Variants in UMAD1 observed in about 807,000 individuals in gnomAD.
The protein encoded by UMAD1 is UBAP1-MVB12-associated (UMA)-domain containing protein 1.
A neutral mutation model predicts 6.1 loss-of-function variants in UMAD1; 8 were observed. That is an observed-to-expected ratio of 1.30 (90% CI 0.76 to 2.35). UMAD1 has a LOEUF of 2.35. UMAD1 is among the 30% of genes most tolerant of loss of function. The pLI is 0.00. For synonymous variants in UMAD1, 56 were observed against 31.4 expected (o/e 1.78, Z -2.61); for missense variants, 130 against 78.4 (o/e 1.66, Z -2.49).
rs374866603 is a variant in UMAD1 at position 7,827,137 on chromosome 7, A to ATGTGTGTGTGTG, written c.156+25395_156+25396insGTGTGTGTGTGT. Among the ~76,000 whole-genome samples the ATGTGTGTGTGTG allele has an allele frequency of 4.4e-3, 564 of 129,566 alleles. 3 individuals carry two copies. The highest frequency in any genetic ancestry group is 8.8e-3 in the African/African-American group (294 of 33,582). The allele number at this position is 129,566 out of a possible 152,430, so 85.0% of individuals were successfully genotyped here. A position where few individuals can be genotyped will look rare whatever the true frequency, so the allele number is the denominator to read the frequency against. On this transcript the variant is annotated intron_variant, in intron 3 of 3. Transcript: ENST00000682710. ...CACAGTCCAGGATATATATATATAT[A>ATGTGTGTGTGTG]TATATATATATGTGTGTGTGTGTGT...
chr7:7,744,590 A>G (rs1389784781), intron 2 of UMAD1, among the ~76,000 whole-genome samples: 1 of 141,702 alleles, frequency 7.1e-6, no homozygotes, highest in South Asian at 2.2e-4. Flanking sequence ...ACTAATTGTT[A>G]CTGTTTTTTT....
intron 2 of UMAD1, among the ~76,000 whole-genome samples, chr7:7,783,063 A>T (rs963662995): frequency 1.3e-5 from 2 of 152,084 alleles, no homozygotes; most frequent in African/African-American, 4.8e-5. Context: ...GGACCTACAT[A>T]CTCACTGGCA....
At chr7:7,831,229 CCTTAT>C (rs755304515) in intron 3 of UMAD1, among the ~76,000 whole-genome samples, 3 of 152,106 alleles carry the variant, frequency 2.0e-5, no homozygotes, top group Non-Finnish European at 4.4e-5. Context: ...TTCAGCATGT[CCTTAT>C]CTTAAAAGTT....
chr7:7,686,240 C>T (rs1334773438), intron 2 of UMAD1, among the ~76,000 whole-genome samples: 2 of 152,102 alleles, frequency 1.3e-5, no homozygotes, highest in African/African-American at 4.8e-5. Context: ...GATACATAGG[C>T]AGGGCCAGTA....
chr7:7,730,733 A>C (rs1031275843), intron 2 of UMAD1, among the ~76,000 whole-genome samples: 13 of 152,184 alleles, frequency 8.5e-5, no homozygotes, highest in African/African-American at 2.4e-4. Context: ...GGGAAAAAAA[A>C]CCCTCAAAAT....
intron 1 of UMAD1, among the ~76,000 whole-genome samples, chr7:7,671,762 C>T (rs1779610427): frequency 6.6e-6 from 1 of 151,970 alleles, no homozygotes; most frequent in Non-Finnish European, 1.5e-5. Context: ...TCATTAGAGG[C>T]CATCTCTCCT....
At chr7:7,655,895 G>A (rs1262052829) in intron 1 of UMAD1, among the ~76,000 whole-genome samples, 2 of 152,116 alleles carry the variant, frequency 1.3e-5, no homozygotes, top group Non-Finnish European at 2.9e-5. Context: ...GAATGCCATG[G>A]TGTGATCTTG....
At chr7:7,855,320 T>C (rs1783995589) in intron 3 of UMAD1, among the ~76,000 whole-genome samples, 1 of 152,230 alleles carries the variant, frequency 6.6e-6, no homozygotes, top group South Asian at 2.1e-4. Context: ...TAGCAGAGGT[T>C]CTCCATGAGG....
intron 2 of UMAD1, among the ~76,000 whole-genome samples, chr7:7,777,985 A>T (rs566894193): frequency 9.9e-5 from 15 of 152,120 alleles, no homozygotes; most frequent in Admixed American, 3.3e-4. Context: ...TGAACATAAA[A>T]CTCTGAGACT....
intron 3 of UMAD1, among the ~76,000 whole-genome samples, chr7:7,839,708 A>G (rs917520331): frequency 2.0e-5 from 3 of 152,214 alleles, no homozygotes; most frequent in Non-Finnish European, 2.9e-5. Context: ...AAGCAATGCA[A>G]TCTACAAATG....
chr7:7,649,658 G>T (rs749745105), intron 1 of UMAD1, among the ~76,000 whole-genome samples: 28 of 151,066 alleles, frequency 1.9e-4, no homozygotes, highest in Admixed American at 6.6e-5. Flanking sequence ...GTGTTAATTT[G>T]AATGTTATAC....
chr7:7,683,997 A>G (rs1779979391), intron 2 of UMAD1, among the ~76,000 whole-genome samples: 1 of 152,208 alleles, frequency 6.6e-6, no homozygotes, highest in Non-Finnish European at 1.5e-5. Flanking sequence ...ACCCCCGCTC[A>G]TACCAAAATC....
intron 2 of UMAD1, among the ~76,000 whole-genome samples, chr7:7,718,276 AT>A (rs1051290605): frequency 1.3e-4 from 20 of 152,172 alleles, no homozygotes; most frequent in African/African-American, 4.8e-4. Flanking sequence ...CTTATAGTTT[AT>A]TTTAACCATA....
At chr7:7,668,420 C>T (rs1459036004) in intron 1 of UMAD1, among the ~76,000 whole-genome samples, 2 of 152,192 alleles carry the variant, frequency 1.3e-5, no homozygotes, top group African/African-American at 2.4e-5. Flanking sequence ...GAGAGGGGGA[C>T]CATATTCACA....
Position 7,877,675 on chromosome 7 carries a change from A to G in UMAD1, c.*137A>G. On this transcript the variant is annotated 3_prime_UTR_variant, in exon 4 of 4. Transcript: ENST00000682710. ...AAGCAAAGAAAATAGCATTATGTTCACTACTCTATTTTTAAGAAAAAGGTA... is the reference window on the plus strand; with the variant it reads ...AAGCAAAGAAAATAGCATTATGTTCGCTACTCTATTTTTAAGAAAAAGGTA... The G allele has an allele frequency of 6.7e-6, 4 of 599,516 alleles. No individual in the cohort carries two copies. The highest frequency in any genetic ancestry group is 6.0e-6 in the Non-Finnish European group (2 of 335,194). The allele number at this position is 599,516 out of a possible 1,614,324, so 37.1% of individuals were successfully genotyped here.
intron 2 of UMAD1, 24 bp from the exon 3 acceptor site, chr7:7,801,646 A>C (rs1172574197): frequency 1.4e-6 from 1 of 712,924 alleles, no homozygotes; most frequent in East Asian, 2.7e-5. Flanking sequence ...AGTTTTAAAA[A>C]TAGACATATA....
At chr7:7,764,714 A>G (rs1031938705) in intron 2 of UMAD1, among the ~76,000 whole-genome samples, 1 of 152,204 alleles carries the variant, frequency 6.6e-6, no homozygotes, top group Non-Finnish European at 1.5e-5. Context: ...TACTGGTCCA[A>G]TTACTCTGCC....
At chr7:7,707,463 A>G (rs1172957039) in intron 2 of UMAD1, among the ~76,000 whole-genome samples, 3 of 152,190 alleles carry the variant, frequency 2.0e-5, no homozygotes, top group Non-Finnish European at 4.4e-5. Flanking sequence ...TGTTGAACGT[A>G]TGTTCCATTT....
At chr7:7,785,632 G>A (rs1782448102) in intron 2 of UMAD1, among the ~76,000 whole-genome samples, 1 of 152,232 alleles carries the variant, frequency 6.6e-6, no homozygotes, top group Non-Finnish European at 1.5e-5. Flanking sequence ...TGATTGCGTG[G>A]CCGCTTGTGG....
Sources: gnomAD v4.1 joint callset for allele counts (sites outside exome capture counted in the v4.1 genomes callset) on GRCh38, gnomAD v4.1.1 for gene constraint, MANE v1.5 for transcripts, NCBI Gene and HGNC (gene_info 2026-07-23, HGNC 2026-07-21) for gene names.